Variants in SULT1C4 observed in about 807,000 individuals in gnomAD.
SULT1C4 encodes the protein sulfotransferase family 1C member 4, also known as sulfotransferase 1C4.
In SULT1C4, 32 loss-of-function variants were observed where a neutral mutation model predicts 34.8. The observed-to-expected ratio is 0.92, with a 90% CI of 0.69 to 1.23. SULT1C4 has a LOEUF of 1.23. SULT1C4 is among the 50% of genes most tolerant of loss of function. The pLI is 0.00. For missense variants in SULT1C4, 375 were observed against 365.9 expected (o/e 1.02, Z -0.20); for synonymous variants, 111 against 120.5 (o/e 0.92, Z 0.51).
chr2:108,384,725 G>T (rs1021500367), intron 5 of SULT1C4, among the ~76,000 whole-genome samples: 2 of 152,154 alleles, frequency 1.3e-5, no homozygotes, highest in South Asian at 4.1e-4. Flanking sequence ...GATAATATCA[G>T]TGGATGTTTA....
At position 108,379,130 on chromosome 2, in the gene SULT1C4, T is replaced by C. The variant is rs375888372; in HGVS notation, c.169+624T>C. On this transcript the variant is annotated intron_variant, in intron 1 of 6. Coordinates refer to ENST00000272452, the MANE Select transcript of SULT1C4 (RefSeq NM_006588.4). ...GTGGAAATAGTTCTCTATAAATATT[T>C]TTGCATATCTACATATCTACTAGAA... Among the ~76,000 whole-genome samples, 6 of 152,306 alleles carry C rather than the reference T, an allele frequency of 3.9e-5. No individual in the cohort carries two copies. The East Asian group carries it at 1.2e-3, about 29-fold the overall frequency.
intron 4 of SULT1C4, 95 bp downstream of exon 4, chr2:108,383,314 C>T: frequency 1.3e-6 from 2 of 1,588,094 alleles, no homozygotes; most frequent in Non-Finnish European, 1.7e-6. Context: ...GGGGCTCTGC[C>T]TTCTTTAATG....
chr2:108,388,132 C>T lies in SULT1C4; in HGVS notation c.*700C>T, dbSNP rs1678617320. On this transcript the variant is annotated 3_prime_UTR_variant, in exon 7 of 7. Coordinates refer to ENST00000272452, the MANE Select transcript of SULT1C4 (RefSeq NM_006588.4). ...AGTTAATTTTTAAATGCATCACTAA[C>T]GTGTAAATAGTGACTGTTTGTTCCA... 6.6e-6 allele frequency: 1 copy of T among 152,146 alleles called. No individual in the cohort carries two copies. The allele number at this position is 152,146 out of a possible 1,614,324, so 9.4% of individuals were successfully genotyped here.
intron 6 of SULT1C4, among the ~76,000 whole-genome samples, chr2:108,387,088 G>A (rs1409164565): frequency 2.0e-5 from 3 of 152,144 alleles, no homozygotes; most frequent in Non-Finnish European, 2.9e-5. Context: ...TGGCGGTCTC[G>A]CCCACCCACT....
chr2:108,382,192 G>T, intron 2 of SULT1C4, 193 bp from the exon 3 acceptor site: 2 of 572,936 alleles, frequency 3.5e-6, no homozygotes, highest in Non-Finnish European at 6.1e-6. Flanking sequence ...TTATTTGGAT[G>T]ACTGTTATGG....
At position 108,388,935 on chromosome 2, in the gene SULT1C4, A is replaced by G. The variant is rs1185125441; in HGVS notation, c.*1503A>G. On this transcript the variant is annotated 3_prime_UTR_variant, in exon 7 of 7. Coordinates refer to ENST00000272452, the MANE Select transcript of SULT1C4 (RefSeq NM_006588.4). ...CACTCTTGCTTTTCTGAAGTCCTCT[A>G]TACTTAGTGTAACTCTTCTGTGATG... 6.6e-6 allele frequency among the ~76,000 whole-genome samples: 1 copy of G among 152,202 alleles called. No individual in the cohort carries two copies. Among genetic ancestry groups the G allele is most frequent in the Non-Finnish European group, 1.5e-5 (1 of 68,032 alleles).
At chr2:108,383,281 A>C in intron 4 of SULT1C4, 62 bp downstream of exon 4, 1 of 1,595,164 alleles carries the variant, frequency 6.3e-7, no homozygotes, top group Non-Finnish European at 8.5e-7. Flanking sequence ...CTAGAAGGAA[A>C]GAATCTTTTC....
intron 5 of SULT1C4, 82 bp from the exon 6 acceptor site, chr2:108,386,110 G>T: frequency 9.1e-7 from 1 of 1,103,108 alleles, no homozygotes; most frequent in Non-Finnish European, 1.2e-6. Flanking sequence ...ATATGTTACC[G>T]GTTACTGTCA....
Position 108,381,846 on chromosome 2 carries a change from G to C in SULT1C4, c.254G>C (p.Arg85Pro), listed in dbSNP as rs137946991. The C allele has an allele frequency of 1.3e-6, 2 of 1,506,908 alleles. No individual in the cohort carries two copies. Among genetic ancestry groups the C allele is most frequent in the Non-Finnish European group, 1.8e-6 (2 of 1,133,732 alleles). 93.3% of individuals were successfully genotyped at this position (1,506,908 alleles called of 1,614,324 possible). Residue 85 changes from arginine (R) to proline (P), a missense_variant, in exon 2 of 7, where the codon CGA becomes CCA. Physicochemically the swap from Arg to Pro is moderately radical, Grantham distance 103. Coordinates refer to ENST00000272452, the MANE Select transcript of SULT1C4 (RefSeq NM_006588.4). The stretch of plus-strand genomic sequence containing the variant: ...AGTAAACGGGCACCGACTCATCAAC[G>C]ATTTCCTTTCCTCGAAATGAAAATC... The part of the protein sequence containing the change: ...EKSKRAPTHQ[R>P]FPFLEMKIPS...
At chr2:108,383,069 T>G (rs752700919) in intron 3 of SULT1C4, 24 bp from the exon 4 acceptor site, 1 of 1,536,600 alleles carries the variant, frequency 6.5e-7, no homozygotes, top group Non-Finnish European at 8.7e-7. Flanking sequence ...GCTTCTTCCC[T>G]TCCCCTCCCC....
In SULT1C4 at chr2:108,382,815, C is replaced by CTCGCTTGAACACAGGAGGCAGAGG. The variant is rs535348777; in HGVS notation, c.394-276_394-253dup. ...CTACTCAGGAGGCTGAGGCAGGAGA[C>CTCGCTTGAACACAGGAGGCAGAGG]TCGCTTGAACACAGGAGGCAGAGGT... On this transcript the variant is annotated intron_variant, in intron 3 of 6. Coordinates refer to ENST00000272452, the MANE Select transcript of SULT1C4 (RefSeq NM_006588.4). The CTCGCTTGAACACAGGAGGCAGAGG allele has an allele frequency of 4.8e-3, 1,633 of 338,440 alleles. 9 individuals are homozygous for CTCGCTTGAACACAGGAGGCAGAGG. Among genetic ancestry groups the CTCGCTTGAACACAGGAGGCAGAGG allele is most frequent in the Middle Eastern group, 0.013 (15 of 1,116 alleles). 21.0% of individuals were successfully genotyped at this position (338,440 alleles called of 1,614,324 possible).
In SULT1C4 at chr2:108,386,281, G is replaced by C. The variant is rs2293068; in HGVS notation, c.705G>C (p.Ser235=). ...TAGATAAAATTGTCCATTACACTTC[G>C]TTTGATGTCATGAAACAGAATCCAA... ...KVLDKIVHYT[S]FDVMKQNPMA... is the part of the protein sequence containing the mutation. Residue 235 remains serine, a synonymous_variant, in exon 6 of 7, where the codon TCG becomes TCC. Transcript: ENST00000272452. The C allele has an allele frequency of 1.9e-6, 3 of 1,585,088 alleles. No individual in the cohort carries two copies. Among genetic ancestry groups the C allele is most frequent in the African/African-American group, 2.7e-5 (2 of 74,132 alleles).
In SULT1C4 at chr2:108,387,546, T is replaced by C; in HGVS notation, c.*114T>C. 1 of 754,840 alleles carries C rather than the reference T, an allele frequency of 1.3e-6. No homozygotes were observed. The highest frequency in any genetic ancestry group is 2.1e-6 in the Non-Finnish European group (1 of 469,200). The allele number at this position is 754,840 out of a possible 1,614,324, so 46.8% of individuals were successfully genotyped here. On this transcript the variant is annotated 3_prime_UTR_variant, in exon 7 of 7. Coordinates refer to ENST00000272452, the MANE Select transcript of SULT1C4 (RefSeq NM_006588.4). The stretch of plus-strand genomic sequence containing the variant: ...GATTCCAGTTATCAGAATAGTTTAC[T>C]GTGTTTGCTCTTATTCACTCTACTA...
At chr2:108,387,087 C>T (rs568445890) in intron 6 of SULT1C4, among the ~76,000 whole-genome samples, 2 of 152,310 alleles carry the variant, frequency 1.3e-5, no homozygotes, top group East Asian at 3.9e-4. Flanking sequence ...ATGGCGGTCT[C>T]GCCCACCCAC....
intron 1 of SULT1C4, among the ~76,000 whole-genome samples, chr2:108,379,049 A>T (rs1357979509): frequency 6.6e-6 from 1 of 152,212 alleles, no homozygotes; most frequent in Non-Finnish European, 1.5e-5. Context: ...GTTGTCTGTA[A>T]AAGTAGGACT....
At chr2:108,379,725 A>G (rs532762477) in intron 1 of SULT1C4, among the ~76,000 whole-genome samples, 99 of 152,210 alleles carry the variant, frequency 6.5e-4, no homozygotes, top group Non-Finnish European at 1.3e-3. Flanking sequence ...AGAAGGAAGA[A>G]GAAACAAGCA....
At chr2:108,386,509 C>A in intron 6 of SULT1C4, 137 bp downstream of exon 6, 1 of 677,400 alleles carries the variant, frequency 1.5e-6, no homozygotes. Context: ...ATTTAAGAAG[C>A]CACTGATAAA....
intron 5 of SULT1C4, among the ~76,000 whole-genome samples, chr2:108,384,425 G>A (rs1320397823): frequency 1.3e-5 from 2 of 152,022 alleles, no homozygotes; most frequent in Admixed American, 6.5e-5. Context: ...TAGAGACGGG[G>A]TTTCACCGTG....
At position 108,379,954 on chromosome 2, in the gene SULT1C4, A is replaced by G. The variant is rs372825923; in HGVS notation, c.169+1448A>G. ...ATTATAGACATTCAGTGTTATGGCTATAAATTCCCATAAAACTAGTACAAA... is the reference window on the plus strand; with the variant it reads ...ATTATAGACATTCAGTGTTATGGCTGTAAATTCCCATAAAACTAGTACAAA... On this transcript the variant is annotated intron_variant, in intron 1 of 6. Transcript: ENST00000272452. Among the ~76,000 whole-genome samples, 16 of 152,344 alleles carry G rather than the reference A, an allele frequency of 1.1e-4. No individual in the cohort carries two copies. In the South Asian group the frequency reaches 3.3e-3, roughly 32 times the overall value.
Sources: allele counts gnomAD v4.1 joint callset (sites outside exome capture counted in the v4.1 genomes callset), GRCh38; gene constraint gnomAD v4.1.1; transcripts MANE v1.5; gene names NCBI Gene and HGNC (gene_info 2026-07-23, HGNC 2026-07-21).